Variants in DLGAP2 observed in about 807,000 individuals in gnomAD.
DLGAP2 encodes disks large-associated protein 2.
A neutral mutation model predicts 100.3 loss-of-function variants in DLGAP2; 26 were observed. That is an observed-to-expected ratio of 0.26 (90% CI 0.19 to 0.36). The LOEUF (loss-of-function observed/expected upper bound fraction) is 0.36. Among genes scored for constraint, DLGAP2 ranks in the 10% least tolerant of loss-of-function variants. DLGAP2 has a pLI of 1.00. For missense variants in DLGAP2, 1,858 were observed against 1,453.2 expected (o/e 1.28, Z -4.53); for synonymous variants, 886 against 630.1 (o/e 1.41, Z -6.08).
chr8:1,319,363 G>A (rs1261546173), intron 3 of DLGAP2, among the ~76,000 whole-genome samples: 1 of 152,218 alleles, frequency 6.6e-6, no homozygotes, highest in Non-Finnish European at 1.5e-5. Flanking sequence ...TCATGCAGGT[G>A]TTGGGAGAGA....
At chr8:1,272,561 G>T (rs1799604129) in intron 3 of DLGAP2, among the ~76,000 whole-genome samples, 2 of 152,136 alleles carry the variant, frequency 1.3e-5, no homozygotes, top group South Asian at 4.2e-4. Flanking sequence ...TACAAATTCT[G>T]TAACATTTTA....
chr8:1,529,278 A>T (rs1005569842), intron 4 of DLGAP2, among the ~76,000 whole-genome samples: 1 of 152,210 alleles, frequency 6.6e-6, no homozygotes, highest in Non-Finnish European at 1.5e-5. Context: ...TGAGAACAGC[A>T]TGGGGGATAC....
intron 3 of DLGAP2, among the ~76,000 whole-genome samples, chr8:1,391,850 C>T (rs1796363867): frequency 6.6e-6 from 1 of 152,244 alleles, no homozygotes; most frequent in African/African-American, 2.4e-5. Flanking sequence ...GCTGCATCTC[C>T]AAGACCCGAG....
intron 2 of DLGAP2, among the ~76,000 whole-genome samples, chr8:1,115,527 G>A (rs751310375): frequency 5.3e-5 from 8 of 152,212 alleles, no homozygotes; most frequent in African/African-American, 9.7e-5. Flanking sequence ...CTGAGTTTGT[G>A]TATGTAAAGT....
At position 1,678,295 on chromosome 8, in the gene DLGAP2, C is replaced by G; in HGVS notation, c.2370C>G (p.Ile790Met). 1 of 1,603,948 alleles carries G rather than the reference C, an allele frequency of 6.2e-7. No homozygotes were observed. Among genetic ancestry groups the G allele is most frequent in the Non-Finnish European group, 8.5e-7 (1 of 1,173,514 alleles). The stretch of plus-strand genomic sequence containing the variant: ...AGCTGGAGGGGTTCCCAGGCCACAT[C>G]ACCACGGAGGACAAAGGCCTTCAGT... ...DLELEGFPGHITTEDKGLQFG... is the reference protein window; with the variant it reads ...DLELEGFPGHMTTEDKGLQFG... Residue 790 changes from isoleucine to methionine, a missense_variant, in exon 12 of 15, where the codon ATC becomes ATG. Physicochemically the swap from Ile to Met is conservative, Grantham distance 10. Transcript: ENST00000637795.
At chr8:1,657,635 A>G (rs17749439) in intron 8 of DLGAP2, among the ~76,000 whole-genome samples, 8,479 of 152,334 alleles carry the variant, frequency 0.056, 302 homozygotes, top group Middle Eastern at 0.18. Flanking sequence ...GTACAGGCAC[A>G]ACAAATGTTT....
rs983156588 is a variant in DLGAP2, at chr8:1,139,033, C to T, written c.74-119818C>T. 5.2e-5 allele frequency among the ~76,000 whole-genome samples: 8 copies of T among 152,382 alleles called. 1 individual carries two copies. The South Asian group carries it at 1.5e-3, about 28-fold the overall frequency. On this transcript the variant is annotated intron_variant, in intron 2 of 14. Coordinates refer to ENST00000637795, the MANE Select transcript of DLGAP2 (RefSeq NM_001346810.2). ...CCTCAGCCCCCTGGCTGGTTACGCA[C>T]TGTTCTAGTTGAAGGAACTTTTGAA... is the stretch of plus-strand genomic sequence containing the variant.
rs1019016930 is a variant in DLGAP2 at position 1,610,168 on chromosome 8, C to A, written c.1443-16572C>A. 2.8e-3 allele frequency among the ~76,000 whole-genome samples: 420 copies of A among 151,826 alleles called. 5 individuals are homozygous for A. The highest frequency in any genetic ancestry group is 9.9e-3 in the African/African-American group (410 of 41,422). ...GCTCTCCTCAGCAAATGTGAAAGAA[C>A]AGAAATTATAACAAACTATCTCTCA... On this transcript the variant is annotated intron_variant, in intron 6 of 14. Transcript: ENST00000637795.
At chr8:1,526,931 C>A (rs1049260855) in intron 4 of DLGAP2, among the ~76,000 whole-genome samples, 1 of 152,232 alleles carries the variant, frequency 6.6e-6, no homozygotes, top group African/African-American at 2.4e-5. Flanking sequence ...AGGGCAAGAG[C>A]AAAGGAAACG....
At chr8:1,255,005 G>GT (rs1799150838) in intron 2 of DLGAP2, among the ~76,000 whole-genome samples, 1 of 99,458 alleles carries the variant, frequency 1.0e-5, no homozygotes, top group African/African-American at 5.2e-5. Context: ...CTCTCATCCT[G>GT]CTTGGGCGCT....
At chr8:1,506,495 G>T (rs115989186) in intron 4 of DLGAP2, among the ~76,000 whole-genome samples, 1 of 152,112 alleles carries the variant, frequency 6.6e-6, no homozygotes, top group African/African-American at 2.4e-5. Context: ...AGATCTTCGC[G>T]GTGAGTGTTG....
intron 2 of DLGAP2, among the ~76,000 whole-genome samples, chr8:1,154,346 G>A (rs1369887987): frequency 6.6e-6 from 1 of 152,156 alleles, no homozygotes; most frequent in Non-Finnish European, 1.5e-5. Flanking sequence ...ACCAGGCGTG[G>A]AGATGTGCCA....
At chr8:1,380,555 C>G (rs913822389) in intron 3 of DLGAP2, among the ~76,000 whole-genome samples, 15 of 152,210 alleles carry the variant, frequency 9.9e-5, no homozygotes, top group African/African-American at 3.4e-4. Flanking sequence ...CCTTTTGCAT[C>G]TCACCTGGTT....
chr8:1,410,413 C>A (rs1320354471), intron 3 of DLGAP2, among the ~76,000 whole-genome samples: 1 of 152,206 alleles, frequency 6.6e-6, no homozygotes, highest in Admixed American at 6.5e-5. Context: ...TCGCTGAGTG[C>A]TTCCTTTTTA....
chr8:1,667,463 C>T (rs1798573177), intron 8 of DLGAP2, among the ~76,000 whole-genome samples: 1 of 152,184 alleles, frequency 6.6e-6, no homozygotes, highest in Non-Finnish European at 1.5e-5. Flanking sequence ...ATGCATAGAG[C>T]TGGCCCCTTT....
At chr8:1,592,827 C>G (rs1197690056) in intron 6 of DLGAP2, among the ~76,000 whole-genome samples, 1 of 152,186 alleles carries the variant, frequency 6.6e-6, no homozygotes, top group African/African-American at 2.4e-5. Flanking sequence ...TCTCTGTGAG[C>G]ATCACCGACT....
At chr8:1,318,755 A>C (rs374128049) in intron 3 of DLGAP2, among the ~76,000 whole-genome samples, 2 of 150,244 alleles carry the variant, frequency 1.3e-5, no homozygotes, top group Admixed American at 6.6e-5. Flanking sequence ...TTTTCATTGT[A>C]ACTAATCCAT....
At chr8:759,315 A>G (rs577305967) in intron 1 of DLGAP2, among the ~76,000 whole-genome samples, 2 of 151,180 alleles carry the variant, frequency 1.3e-5, no homozygotes, top group African/African-American at 4.9e-5. Flanking sequence ...CCCATTATCA[A>G]TACTGCCTGA....
At chr8:1,450,513 C>T (rs931085693) in intron 3 of DLGAP2, among the ~76,000 whole-genome samples, 1 of 150,534 alleles carries the variant, frequency 6.6e-6, no homozygotes, top group African/African-American at 2.5e-5. Context: ...GTGGCTGAGG[C>T]GGAGCTGTGA....
Sources: gnomAD v4.1 joint callset for allele counts (sites outside exome capture counted in the v4.1 genomes callset) on GRCh38, gnomAD v4.1.1 for gene constraint, MANE v1.5 for transcripts, NCBI Gene and HGNC (gene_info 2026-07-23, HGNC 2026-07-21) for gene names.